Variants in NKAIN2 observed in about 807,000 individuals in gnomAD.
NKAIN2 encodes sodium/potassium transporting ATPase interacting 2.
NKAIN2 carries 14 observed loss-of-function variants against 32.6 expected under a neutral mutation model. The ratio of observed to expected loss-of-function variants is 0.43; its 90% CI spans 0.28 to 0.67. The LOEUF (loss-of-function observed/expected upper bound fraction) is 0.67, where lower values mean the gene tolerates loss of function less well. NKAIN2 is among the 30% of genes least tolerant of loss of function. NKAIN2 has a pLI of 0.17. For missense variants in NKAIN2, 198 were observed against 258.3 expected, an observed-to-expected ratio of 0.77 and a Z score of 1.60; for synonymous variants, 80 against 87.2, an observed-to-expected ratio of 0.92 and a Z score of 0.46.
At chr6:124,601,495 A>C (rs1000817455) in intron 3 of NKAIN2, among the ~76,000 whole-genome samples, 1 of 152,034 alleles carries the variant, frequency 6.6e-6, no homozygotes, top group African/African-American at 2.4e-5. Flanking sequence ...TCCCATAGTT[A>C]GAGCATATAG....
At chr6:124,643,519 T>A in intron 3 of NKAIN2, among the ~76,000 whole-genome samples, 1 of 152,192 alleles carries the variant, frequency 6.6e-6, no homozygotes, top group East Asian at 1.9e-4. Flanking sequence ...TATATCGGTA[T>A]ATTTTATTTT....
At chr6:123,966,227 C>T (rs76238799) in intron 1 of NKAIN2, among the ~76,000 whole-genome samples, 2,777 of 152,222 alleles carry the variant, frequency 0.018, 84 homozygotes, top group African/African-American at 0.063. Context: ...TTTAGGAATG[C>T]AGGGATACTC....
At chr6:123,849,252 C>T (rs1357256591) in intron 1 of NKAIN2, among the ~76,000 whole-genome samples, 2 of 152,126 alleles carry the variant, frequency 1.3e-5, no homozygotes, top group Non-Finnish European at 2.9e-5. Context: ...ATACTAATAA[C>T]AGCTGTCTTC....
chr6:123,860,700 A>T (rs1187166438), intron 1 of NKAIN2, among the ~76,000 whole-genome samples: 1 of 152,172 alleles, frequency 6.6e-6, no homozygotes, highest in East Asian at 1.9e-4. Context: ...GTGAGCCACC[A>T]TGCGTGGCAA....
At chr6:124,820,416 C>T (rs950680818) in intron 6 of NKAIN2, among the ~76,000 whole-genome samples, 8 of 151,982 alleles carry the variant, frequency 5.3e-5, no homozygotes, top group African/African-American at 1.9e-4. Flanking sequence ...TCTGATTGCT[C>T]TGAAATTATA....
intron 4 of NKAIN2, among the ~76,000 whole-genome samples, chr6:124,763,626 C>A (rs1175592737): frequency 6.6e-6 from 1 of 152,122 alleles, no homozygotes; most frequent in East Asian, 1.9e-4. Flanking sequence ...CAAATCCAAC[C>A]CATGTTACTA....
chr6:124,517,501 T>C (rs1240587252), intron 3 of NKAIN2, among the ~76,000 whole-genome samples: 1 of 152,120 alleles, frequency 6.6e-6, no homozygotes, highest in Non-Finnish European at 1.5e-5. Context: ...ATCAATGTGC[T>C]AATCAGTTTC....
At chr6:124,526,791 G>A (rs1423216063) in intron 3 of NKAIN2, among the ~76,000 whole-genome samples, 1 of 152,146 alleles carries the variant, frequency 6.6e-6, no homozygotes, top group African/African-American at 2.4e-5. Flanking sequence ...GTCGAAGCTA[G>A]TGTTATTTTT....
chr6:124,664,912 G>C (rs1772715058), intron 4 of NKAIN2, among the ~76,000 whole-genome samples: 1 of 139,240 alleles, frequency 7.2e-6, no homozygotes, highest in Non-Finnish European at 1.5e-5. Context: ...CTTTAAACAA[G>C]AATGTATACG....
In NKAIN2 at chr6:123,898,115, G is replaced by A. The variant is rs115002991; in HGVS notation, c.54+93861G>A. Among the ~76,000 whole-genome samples the A allele has an allele frequency of 8.2e-3, 1,245 of 152,266 alleles. 14 individuals carry two copies. The highest frequency in any genetic ancestry group is 0.028 in the African/African-American group (1,160 of 41,550). On this transcript the variant is annotated intron_variant, in intron 1 of 6. Coordinates refer to ENST00000368417, the MANE Select transcript of NKAIN2 (RefSeq NM_001040214.3). ...TCCAGATATGATCTCATCATTGCAG[G>A]ATGAATTATGATGATTGGATCCTGT...
chr6:124,172,876 T>G (rs1306913202), intron 1 of NKAIN2, among the ~76,000 whole-genome samples: 1 of 152,134 alleles, frequency 6.6e-6, no homozygotes, highest in African/African-American at 2.4e-5. Flanking sequence ...GTGGGAATAG[T>G]TCACATATAG....
intron 3 of NKAIN2, among the ~76,000 whole-genome samples, chr6:124,553,936 A>C (rs1479955679): frequency 6.6e-6 from 1 of 152,162 alleles, no homozygotes; most frequent in East Asian, 1.9e-4. Flanking sequence ...TAAGCTGATA[A>C]TTTTTATGTG....
At chr6:123,978,295 A>G (rs1014020752) in intron 1 of NKAIN2, among the ~76,000 whole-genome samples, 6 of 152,346 alleles carry the variant, frequency 3.9e-5, no homozygotes, top group Admixed American at 2.0e-4. Context: ...AAAGGTAATT[A>G]AAGTATAATT....
chr6:123,861,228 G>C (rs1775775035), intron 1 of NKAIN2, among the ~76,000 whole-genome samples: 1 of 152,120 alleles, frequency 6.6e-6, no homozygotes. Context: ...ACCAAAAGAG[G>C]CTAAGTAAAT....
chr6:124,695,982 G>A (rs2114552756), intron 4 of NKAIN2, among the ~76,000 whole-genome samples: 1 of 152,284 alleles, frequency 6.6e-6, no homozygotes, highest in Non-Finnish European at 1.5e-5. Flanking sequence ...CTTGAAGAAT[G>A]GACAGCCTTG....
intron 1 of NKAIN2, among the ~76,000 whole-genome samples, chr6:123,960,872 C>CT (rs36062060): frequency 6.6e-6 from 1 of 151,816 alleles, no homozygotes; most frequent in African/African-American, 2.4e-5. Context: ...GCACTTGTTA[C>CT]TTTTTTTCGG....
chr6:124,409,679 G>A (rs1774058926), intron 3 of NKAIN2, among the ~76,000 whole-genome samples: 1 of 152,168 alleles, frequency 6.6e-6, no homozygotes, highest in Non-Finnish European at 1.5e-5. Flanking sequence ...TCTCTGCTAG[G>A]CTTTGGTATC....
chr6:124,611,917 A>G (rs1782704855), intron 3 of NKAIN2, among the ~76,000 whole-genome samples: 1 of 152,106 alleles, frequency 6.6e-6, no homozygotes, highest in South Asian at 2.1e-4. Flanking sequence ...TTTAGAAGAC[A>G]ATTTTTTTTA....
At chr6:123,932,053 T>G (rs1393621140) in intron 1 of NKAIN2, among the ~76,000 whole-genome samples, 1 of 152,212 alleles carries the variant, frequency 6.6e-6, no homozygotes, top group Non-Finnish European at 1.5e-5. Context: ...TACTCGTTTC[T>G]TAAATGCGTT....
Sources: gnomAD v4.1 joint callset for allele counts (sites outside exome capture counted in the v4.1 genomes callset) on GRCh38, gnomAD v4.1.1 for gene constraint, MANE v1.5 for transcripts, NCBI Gene and HGNC (gene_info 2026-07-23, HGNC 2026-07-21) for gene names.